THAP11: variants seen among roughly 807,000 people sequenced by gnomAD.
THAP11 encodes the protein THAP domain containing 11.
THAP11 carries 8 observed loss-of-function variants against 24.1 expected under a neutral mutation model. The observed-to-expected ratio is 0.33, with a 90% CI of 0.20 to 0.60. The LOEUF (loss-of-function observed/expected upper bound fraction) is 0.60. Among genes scored for constraint, THAP11 ranks in the 20% least tolerant of loss-of-function variants. The pLI is 0.82. For synonymous variants in THAP11, 222 were observed against 180.2 expected (o/e 1.23, Z -1.86); for missense variants, 276 against 418.4 (o/e 0.66, Z 2.97).
rs774473286 is a variant in THAP11, at chr16:67,843,325, C to T, written c.771C>T (p.Leu257=). Residue 257 remains leucine (L), a synonymous_variant, in exon 1 of 1, where the codon CTC becomes CTT. Transcript: ENST00000303596. This position sits in a 1 kb window ranked among gnomAD's most constrained non-coding sequence, Gnocchi z 5.7. The stretch of plus-strand genomic sequence containing the variant: ...CGTCAGGCACCACGGAGGAGGAGCT[C>T]CTGCGCAAGCTGAATGAGCAGCGGG... The part of the protein sequence containing the change: ...SLSSGTTEEE[L]LRKLNEQRDI... 6.2e-7 allele frequency: 1 copy of T among 1,613,894 alleles called. No homozygotes were observed. Among genetic ancestry groups the T allele is most frequent in the Non-Finnish European group, 8.5e-7 (1 of 1,180,050 alleles).
Position 67,843,103 on chromosome 16 carries a change from A to C in THAP11, c.549A>C (p.Glu183Asp). The change falls in exon 1 of 1, where the codon GAA becomes GAC. Residue 183 changes from glutamate (E) to aspartate (D), a missense_variant. By Grantham distance (45) the Glu-to-Asp change is conservative (BLOSUM62 2). Around this residue, in one of 3 missense-constraint regions of THAP11, gnomAD observed 210 missense variants for 203.4 expected, o/e 1.03. Coordinates refer to ENST00000303596, the MANE Select transcript of THAP11 (RefSeq NM_020457.3). This position sits in a 1 kb window ranked among gnomAD's most constrained non-coding sequence, Gnocchi z 5.7. ...CGGCGCCCATCACTCCCACTGGAGAAGACGTGAAGCCCATCGATCTCACAG... is the reference window on the plus strand; with the variant it reads ...CGGCGCCCATCACTCCCACTGGAGACGACGTGAAGCCCATCGATCTCACAG... ...VQPAPITPTGEDVKPIDLTVQ... is the reference protein window; with the variant it reads ...VQPAPITPTGDDVKPIDLTVQ... The C allele has an allele frequency of 6.2e-7, 1 of 1,611,074 alleles. No homozygotes were observed. The highest frequency in any genetic ancestry group is 8.5e-7 in the Non-Finnish European group (1 of 1,179,952).
rs1432693089 is a variant in THAP11 at position 67,843,508 on chromosome 16, C to T, written c.*9C>T. The T allele has an allele frequency of 1.9e-6, 3 of 1,598,390 alleles. No individual in the cohort carries two copies. In the Admixed American group the frequency reaches 5.1e-5, roughly 27 times the overall value. ...AGAAGCACGGAATGTGAACTGGTGC[C>T]CCGGCAGCCTGCTGGACTCCCAGAC... On this transcript the variant is annotated 3_prime_UTR_variant, in exon 1 of 1. Transcript: ENST00000303596. The surrounding 1 kb of genome is among the most constrained non-coding windows in gnomAD (Gnocchi z 5.7).
rs2151289466 is a variant in THAP11, at chr16:67,842,843, G to A, written c.289G>A (p.Ala97Thr). The A allele has an allele frequency of 6.2e-7, 1 of 1,606,258 alleles. No individual in the cohort carries two copies. The highest frequency in any genetic ancestry group is 1.3e-5 in the African/African-American group (1 of 74,712). ...CAAAGTAGCGCGCAGACCCGCTGGG[G>A]CCGCGGCCGCCCGCCGCAGGCAGCA... is the stretch of plus-strand genomic sequence containing the variant. ...ERKVARRPAGAAAARRRQQQQ... is the reference protein window; with the variant it reads ...ERKVARRPAGTAAARRRQQQQ... Residue 97 changes from alanine (A) to threonine (T), a missense_variant, in exon 1 of 1, where the codon GCC becomes ACC. By Grantham distance (58) the Ala-to-Thr change is moderately conservative. Transcript: ENST00000303596. The surrounding 1 kb of genome is among the most constrained non-coding windows in gnomAD (Gnocchi z 4.9).
Position 67,843,097 on chromosome 16 carries a change from T to C in THAP11, c.543T>C (p.Thr181=), listed in dbSNP as rs1165176795. The C allele has an allele frequency of 6.2e-7, 1 of 1,610,988 alleles. No homozygotes were observed. Among genetic ancestry groups the C allele is most frequent in the South Asian group, 1.1e-5 (1 of 91,076 alleles). Residue 181 remains threonine, a synonymous_variant, in exon 1 of 1, where the codon ACT becomes ACC. Transcript: ENST00000303596. This position sits in a 1 kb window ranked among gnomAD's most constrained non-coding sequence, Gnocchi z 5.7. ...GSVQPAPITP[T]GEDVKPIDLT... is the part of the protein sequence containing the mutation. ...TACAGCCGGCGCCCATCACTCCCAC[T>C]GGAGAAGACGTGAAGCCCATCGATC...
rs2057777434 is a variant in THAP11 at position 67,843,204 on chromosome 16, G to C, written c.650G>C (p.Gly217Ala). ...TCGGAGTTACAGGCTGCTACCGCAG[G>C]GCTGGAGGCTGCCGAGTGCCCTATG... Reference protein sequence around the residue: ...AASELQAATAGLEAAECPMGP... With the variant: ...AASELQAATAALEAAECPMGP... Residue 217 changes from glycine to alanine, a missense_variant, in exon 1 of 1, where the codon GGG becomes GCG. Gly to Ala is a moderately conservative substitution (Grantham distance 60). Transcript: ENST00000303596. This position sits in a 1 kb window ranked among gnomAD's most constrained non-coding sequence, Gnocchi z 5.7. 6.2e-7 allele frequency: 1 copy of C among 1,611,656 alleles called. No homozygotes were observed. Among genetic ancestry groups the C allele is most frequent in the East Asian group, 2.2e-5 (1 of 44,878 alleles).
At position 67,843,144 on chromosome 16, in the gene THAP11, C is replaced by T. The variant is rs1262846076; in HGVS notation, c.590C>T (p.Ala197Val). ...PIDLTVQVEF[A>V]AAEGAAAAAA... is the part of the protein sequence containing the mutation. Reference sequence around the variant, plus strand: ...GATCTCACAGTGCAAGTGGAGTTTGCAGCCGCAGAGGGCGCAGCCGCTGCG... The same window carrying T: ...GATCTCACAGTGCAAGTGGAGTTTGTAGCCGCAGAGGGCGCAGCCGCTGCG... Residue 197 changes from alanine (A) to valine (V), a missense_variant, in exon 1 of 1, where the codon GCA becomes GTA. This residue lies in a region of THAP11 where 210 missense variants were observed against 203.4 expected (regional missense o/e 1.03). Coordinates refer to ENST00000303596, the MANE Select transcript of THAP11 (RefSeq NM_020457.3). The surrounding 1 kb of genome is among the most constrained non-coding windows in gnomAD (Gnocchi z 5.7). 4 of 1,609,454 alleles carry T rather than the reference C, an allele frequency of 2.5e-6. No homozygotes were observed. Among genetic ancestry groups the T allele is most frequent in the Non-Finnish European group, 2.5e-6 (3 of 1,179,414 alleles).
At position 67,842,956 on chromosome 16, in the gene THAP11, A is replaced by T; in HGVS notation, c.402A>T (p.Ser134=). Reference sequence around the variant, plus strand: ...AGCAGCAGCAGCAGCAGCAGTCCTCACCCTCTGCCTCCACTGCCCAGACTG... The same window carrying T: ...AGCAGCAGCAGCAGCAGCAGTCCTCTCCCTCTGCCTCCACTGCCCAGACTG... ...QQQQQQQQQS[S]PSASTAQTAQ... The change falls in exon 1 of 1, where the codon TCA becomes TCT. Residue 134 remains serine, a synonymous_variant. Coordinates refer to ENST00000303596, the MANE Select transcript of THAP11 (RefSeq NM_020457.3). This position sits in a 1 kb window ranked among gnomAD's most constrained non-coding sequence, Gnocchi z 4.9. The T allele has an allele frequency of 6.2e-7, 1 of 1,604,000 alleles. No individual in the cohort carries two copies. The highest frequency in any genetic ancestry group is 8.5e-7 in the Non-Finnish European group (1 of 1,175,702).
chr16:67,843,490 C>T lies in THAP11; in HGVS notation c.936C>T (p.His312=), dbSNP rs1238459817. Residue 312 remains histidine (H), a synonymous_variant, in exon 1 of 1, where the codon CAC becomes CAT. Coordinates refer to ENST00000303596, the MANE Select transcript of THAP11 (RefSeq NM_020457.3). This position sits in a 1 kb window ranked among gnomAD's most constrained non-coding sequence, Gnocchi z 5.7. ...CCATGGCTGTCATCCGCAAGAAGCA[C>T]GGAATGTGAACTGGTGCCCCGGCAG... ...LLAMAVIRKK[H]GM The T allele has an allele frequency of 6.2e-7, 1 of 1,608,690 alleles. No homozygotes were observed.
Position 67,842,413 on chromosome 16 carries a change from C to G in THAP11, c.-142C>G. On this transcript the variant is annotated 5_prime_UTR_variant, in exon 1 of 1. Transcript: ENST00000303596. The surrounding 1 kb of genome is among the most constrained non-coding windows in gnomAD (Gnocchi z 4.9). The stretch of plus-strand genomic sequence containing the variant: ...TCTGGGCACGGGGCGCCGGGCGGGC[C>G]GGCTGCGCCGAGCGGCAGTGGTGGG... 4.1e-6 allele frequency: 2 copies of G among 490,192 alleles called. No individual in the cohort carries two copies. The highest frequency in any genetic ancestry group is 5.9e-6 in the Non-Finnish European group (2 of 338,208). The allele number at this position is 490,192 out of a possible 1,614,324, so 30.4% of individuals were successfully genotyped here. A position where few individuals can be genotyped will look rare whatever the true frequency, so the allele number is the denominator to read the frequency against.
chr16:67,843,705 A>G lies in THAP11; in HGVS notation c.*206A>G. On this transcript the variant is annotated 3_prime_UTR_variant, in exon 1 of 1. Transcript: ENST00000303596. This position sits in a 1 kb window ranked among gnomAD's most constrained non-coding sequence, Gnocchi z 5.7. ...CCTTAGACTCTGCCCTGGTGACACC[A>G]GCAATTATGACTTTGTCTACCCTTC... 1 of 538,914 alleles carries G rather than the reference A, an allele frequency of 1.9e-6. No individual in the cohort carries two copies. Among genetic ancestry groups the G allele is most frequent in the Non-Finnish European group, 3.3e-6 (1 of 299,480 alleles). 33.4% of individuals were successfully genotyped at this position (538,914 alleles called of 1,614,324 possible). A position where few individuals can be genotyped will look rare whatever the true frequency, so the allele number is the denominator to read the frequency against.
rs372243341 is a variant in THAP11 at position 67,842,719 on chromosome 16, C to T, written c.165C>T (p.Thr55=). 6.9e-6 allele frequency: 11 copies of T among 1,605,526 alleles called. No homozygotes were observed. The highest frequency in any genetic ancestry group is 2.7e-5 in the African/African-American group (2 of 74,658). ...GGTGCTTCTCCACCTTCCAGCCCAC[C>T]ACAGGCCACCGTCTCTGCAGCGTTC... The part of the protein sequence containing the change: ...VSGCFSTFQP[T]TGHRLCSVHF... The change falls in exon 1 of 1, where the codon ACC becomes ACT. Residue 55 remains threonine, a synonymous_variant. Coordinates refer to ENST00000303596, the MANE Select transcript of THAP11 (RefSeq NM_020457.3). The surrounding 1 kb of genome is among the most constrained non-coding windows in gnomAD (Gnocchi z 4.9).
In THAP11 at chr16:67,842,802, G is replaced by C; in HGVS notation, c.248G>C (p.Arg83Pro). Residue 83 changes from arginine (R) to proline (P), a missense_variant, in exon 1 of 1, where the codon CGC becomes CCC. Arg to Pro is a moderately radical substitution (Grantham distance 103). Transcript: ENST00000303596. This position sits in a 1 kb window ranked among gnomAD's most constrained non-coding sequence, Gnocchi z 4.9. ...TVRVPTIFPL[R>P]GVNERKVARR... is the part of the protein sequence containing the mutation. The stretch of plus-strand genomic sequence containing the variant: ...CGCGTCCCCACCATCTTCCCGCTGC[G>C]CGGCGTCAATGAGCGCAAAGTAGCG... 1 of 1,610,990 alleles carries C rather than the reference G, an allele frequency of 6.2e-7. No individual in the cohort carries two copies. Among genetic ancestry groups the C allele is most frequent in the Non-Finnish European group, 8.5e-7 (1 of 1,179,204 alleles).
At position 67,843,804 on chromosome 16, in the gene THAP11, G is replaced by C. The variant is rs1404215247; in HGVS notation, c.*305G>C. 2.9e-6 allele frequency: 1 copy of C among 347,858 alleles called. No homozygotes were observed. The highest frequency in any genetic ancestry group is 2.1e-5 in the African/African-American group (1 of 46,772). The allele number at this position is 347,858 out of a possible 1,614,324, so 21.5% of individuals were successfully genotyped here. A position where few individuals can be genotyped will look rare whatever the true frequency, so the allele number is the denominator to read the frequency against. ...ACTGAACTTGAAACTTACCCTCTAG[G>C]GATGCAGGTGGGATGTCCAGGGACT... is the stretch of plus-strand genomic sequence containing the variant. On this transcript the variant is annotated 3_prime_UTR_variant, in exon 1 of 1. Coordinates refer to ENST00000303596, the MANE Select transcript of THAP11 (RefSeq NM_020457.3). This position sits in a 1 kb window ranked among gnomAD's most constrained non-coding sequence, Gnocchi z 5.7.
chr16:67,843,067 A>T lies in THAP11; in HGVS notation c.513A>T (p.Gly171=). 1 of 1,611,834 alleles carries T rather than the reference A, an allele frequency of 6.2e-7. No individual in the cohort carries two copies. The highest frequency in any genetic ancestry group is 8.5e-7 in the Non-Finnish European group (1 of 1,180,010). ...CTGTAGACAGCAGTCAGGCTCCGGG[A>T]TCCGTACAGCCGGCGCCCATCACTC... is the stretch of plus-strand genomic sequence containing the variant. ...QATVDSSQAP[G]SVQPAPITPT... The change falls in exon 1 of 1, where the codon GGA becomes GGT. Residue 171 remains glycine (G), a synonymous_variant. Coordinates refer to ENST00000303596, the MANE Select transcript of THAP11 (RefSeq NM_020457.3). This position sits in a 1 kb window ranked among gnomAD's most constrained non-coding sequence, Gnocchi z 5.7.
rs2057774676 is a variant in THAP11, at chr16:67,842,931, AG to A, written c.378del (p.Gln126HisfsTer39). The A allele has an allele frequency of 2.5e-6, 4 of 1,603,700 alleles. No homozygotes were observed. Among genetic ancestry groups the A allele is most frequent in the Middle Eastern group, 1.7e-4 (1 of 6,060 alleles). ...CAGCAGCAGCAGCAACAGCAGCAGC[AG>A]CAGCAGCAGCAGCAGCAGTCCTCAC... ...QQQQQQQQQQ[Q>X]QQQQQQSSPS... On this transcript the variant is annotated frameshift_variant, in exon 1 of 1. Coordinates refer to ENST00000303596, the MANE Select transcript of THAP11 (RefSeq NM_020457.3). LOFTEE classifies it high-confidence loss of function. The surrounding 1 kb of genome is among the most constrained non-coding windows in gnomAD (Gnocchi z 4.9).
Position 67,842,495 on chromosome 16 carries a change from C to T in THAP11, c.-60C>T. ...GTCGAGGGGCGGGCGGCGGCGTAGCCACTGGGCCGTCGAAGAGCGCAGGAG... is the reference window on the plus strand; with the variant it reads ...GTCGAGGGGCGGGCGGCGGCGTAGCTACTGGGCCGTCGAAGAGCGCAGGAG... On this transcript the variant is annotated 5_prime_UTR_variant, in exon 1 of 1. Coordinates refer to ENST00000303596, the MANE Select transcript of THAP11 (RefSeq NM_020457.3). The surrounding 1 kb of genome is among the most constrained non-coding windows in gnomAD (Gnocchi z 4.9). 3.6e-6 allele frequency: 5 copies of T among 1,380,782 alleles called. No individual in the cohort carries two copies. The highest frequency in any genetic ancestry group is 4.7e-6 in the Non-Finnish European group (5 of 1,064,558). The allele number at this position is 1,380,782 out of a possible 1,614,324, so 85.5% of individuals were successfully genotyped here. A position where few individuals can be genotyped will look rare whatever the true frequency, so the allele number is the denominator to read the frequency against.
Position 67,843,661 on chromosome 16 carries a change from C to T in THAP11, c.*162C>T, listed in dbSNP as rs776136797. The T allele has an allele frequency of 1.3e-5, 9 of 696,036 alleles. No individual in the cohort carries two copies. Among genetic ancestry groups the T allele is most frequent in the Non-Finnish European group, 2.1e-5 (9 of 421,032 alleles). 43.1% of individuals were successfully genotyped at this position (696,036 alleles called of 1,614,324 possible). A position where few individuals can be genotyped will look rare whatever the true frequency, so the allele number is the denominator to read the frequency against. On this transcript the variant is annotated 3_prime_UTR_variant, in exon 1 of 1. Coordinates refer to ENST00000303596, the MANE Select transcript of THAP11 (RefSeq NM_020457.3). This position sits in a 1 kb window ranked among gnomAD's most constrained non-coding sequence, Gnocchi z 5.7. ...GACCTGGCATCCTCAATTGTTTCCT[C>T]CTGAAGTGGAAGCTGGGGCCTTAGA... is the stretch of plus-strand genomic sequence containing the variant.
rs2057768984 is a variant in THAP11 at position 67,842,520 on chromosome 16, G to C, written c.-35G>C. ...CACTGGGCCGTCGAAGAGCGCAGGA[G>C]GCCGGTGGGCCGGGCCGGGCCGCGC... On this transcript the variant is annotated 5_prime_UTR_variant, in exon 1 of 1. Transcript: ENST00000303596. The surrounding 1 kb of genome is among the most constrained non-coding windows in gnomAD (Gnocchi z 4.9). The C allele has an allele frequency of 6.8e-7, 1 of 1,469,994 alleles. No individual in the cohort carries two copies. The highest frequency in any genetic ancestry group is 1.4e-5 in the African/African-American group (1 of 70,912). The allele number at this position is 1,469,994 out of a possible 1,614,324, so 91.1% of individuals were successfully genotyped here.
At position 67,843,166 on chromosome 16, in the gene THAP11, TGCGGCCGCC is replaced by T. The variant is rs1770449836; in HGVS notation, c.616_624del (p.Ala206_Ala208del). ...TTGCAGCCGCAGAGGGCGCAGCCGC[TGCGGCCGCC>T]GCGTCGGAGTTACAGGCTGCTACCG... On this transcript the variant is annotated inframe_deletion, in exon 1 of 1. Coordinates refer to ENST00000303596, the MANE Select transcript of THAP11 (RefSeq NM_020457.3). The surrounding 1 kb of genome is among the most constrained non-coding windows in gnomAD (Gnocchi z 5.7). The T allele has an allele frequency of 1.2e-6, 2 of 1,609,542 alleles. No homozygotes were observed. The highest frequency in any genetic ancestry group is 2.2e-5 in the South Asian group (2 of 91,056).
Sources: allele counts gnomAD v4.1 joint callset, GRCh38; gene constraint gnomAD v4.1.1; regional missense constraint gnomAD v4.1.1; non-coding constraint Gnocchi (gnomAD v3.1); transcripts MANE v1.5; gene names NCBI Gene and HGNC (gene_info 2026-07-23, HGNC 2026-07-21).